Variants in FHIT observed in about 807,000 individuals in gnomAD.
FHIT encodes fragile histidine triad diadenosine triphosphatase, also known as bis(5'-adenosyl)-triphosphatase.
Under a neutral mutation model 17.9 loss-of-function variants are expected in FHIT, and 19 were observed. That is an observed-to-expected ratio of 1.06 (90% CI 0.74 to 1.56). FHIT has a LOEUF of 1.56. FHIT is among the 40% of genes most tolerant of loss of function. FHIT has a pLI of 0.00. For missense variants in FHIT, 248 were observed against 189.2 expected (o/e 1.31, Z -1.82); for synonymous variants, 81 against 69.7 (o/e 1.16, Z -0.81).
chr3:60,703,683 T>G (rs1361069635), intron 4 of FHIT, among the ~76,000 whole-genome samples: 1 of 152,186 alleles, frequency 6.6e-6, no homozygotes, highest in Admixed American at 6.5e-5. Flanking sequence ...CCCATTCTAT[T>G]TTCTCTATAG....
At chr3:59,984,544 A>G (rs1214669427) in intron 7 of FHIT, among the ~76,000 whole-genome samples, 4 of 152,184 alleles carry the variant, frequency 2.6e-5, no homozygotes, top group African/African-American at 7.2e-5. Context: ...CTTTAGGCCT[A>G]CACTCTACAC....
Position 60,195,669 on chromosome 3 carries a change from T to C in FHIT, c.104-181517A>G, listed in dbSNP as rs538070642. ...TGATATATATACACACATATATATA[T>C]GTATACCATGGAATACTACTCAACC... On this transcript the variant is annotated intron_variant, in intron 5 of 9. Transcript: ENST00000492590. Among the ~76,000 whole-genome samples the C allele has an allele frequency of 2.6e-3, 386 of 148,674 alleles. 2 individuals are homozygous for C. Among genetic ancestry groups the C allele is most frequent in the African/African-American group, 8.8e-3 (358 of 40,674 alleles).
At chr3:60,046,567 G>A (rs1463189800) in intron 5 of FHIT, among the ~76,000 whole-genome samples, 1 of 152,032 alleles carries the variant, frequency 6.6e-6, no homozygotes, top group Non-Finnish European at 1.5e-5. Context: ...CAAATTTAGG[G>A]GGAAAAATAA....
intron 3 of FHIT, among the ~76,000 whole-genome samples, chr3:60,896,709 T>G (rs782360571): frequency 1.4e-4 from 21 of 152,196 alleles, no homozygotes; most frequent in Non-Finnish European, 2.9e-4. Context: ...CAAAATAACT[T>G]GAATCAGTAT....
At chr3:60,169,579 AG>A (rs1701328600) in intron 5 of FHIT, among the ~76,000 whole-genome samples, 1 of 152,238 alleles carries the variant, frequency 6.6e-6, no homozygotes, top group African/African-American at 2.4e-5. Flanking sequence ...TAAGGCCCTT[AG>A]AAACATCACA....
intron 7 of FHIT, among the ~76,000 whole-genome samples, chr3:59,961,824 C>T (rs980359005): frequency 5.9e-5 from 9 of 152,196 alleles, no homozygotes; most frequent in Admixed American, 6.5e-5. Context: ...GCATTGATCT[C>T]GCTGGAAGCT....
intron 4 of FHIT, among the ~76,000 whole-genome samples, chr3:60,579,249 C>T (rs2037676763): frequency 1.3e-5 from 2 of 152,152 alleles, no homozygotes; most frequent in South Asian, 2.1e-4. Flanking sequence ...ATGCTATATG[C>T]TGTAACCTAT....
chr3:60,644,181 C>A (rs978198756), intron 4 of FHIT, among the ~76,000 whole-genome samples: 18 of 152,152 alleles, frequency 1.2e-4, no homozygotes, highest in Admixed American at 4.6e-4. Context: ...CTAGAATAGA[C>A]AGGTACTACA....
intron 2 of FHIT, among the ~76,000 whole-genome samples, chr3:61,124,377 G>T (rs528858354): frequency 6.6e-6 from 1 of 152,050 alleles, no homozygotes; most frequent in Non-Finnish European, 1.5e-5. Flanking sequence ...ATTAACGGAG[G>T]GCAGTTAATG....
intron 3 of FHIT, among the ~76,000 whole-genome samples, chr3:61,016,405 G>A (rs775250700): frequency 1.3e-5 from 2 of 152,186 alleles, no homozygotes; most frequent in East Asian, 1.9e-4. Flanking sequence ...CAAAGAAACA[G>A]AGCAAGACAA....
At chr3:60,031,640 G>C (rs529412563) in intron 5 of FHIT, among the ~76,000 whole-genome samples, 14 of 152,204 alleles carry the variant, frequency 9.2e-5, no homozygotes, top group African/African-American at 2.9e-4. Context: ...ATTCTTCAAA[G>C]AATTCTAGCA....
intron 7 of FHIT, among the ~76,000 whole-genome samples, chr3:59,987,178 T>C (rs925666474): frequency 6.9e-6 from 1 of 145,820 alleles, no homozygotes; most frequent in East Asian, 2.0e-4. Flanking sequence ...TATATTTATA[T>C]ATTTTTTCTA....
At chr3:60,592,928 G>A (rs1391807583) in intron 4 of FHIT, among the ~76,000 whole-genome samples, 2 of 152,100 alleles carry the variant, frequency 1.3e-5, no homozygotes, top group Non-Finnish European at 2.9e-5. Flanking sequence ...ATATAGCACT[G>A]TCTTGATGGT....
intron 5 of FHIT, among the ~76,000 whole-genome samples, chr3:60,092,718 T>G (rs1159013028): frequency 1.3e-5 from 2 of 152,196 alleles, no homozygotes; most frequent in Non-Finnish European, 2.9e-5. Context: ...CCAAGATATC[T>G]GAGCTAGCTG....
At chr3:60,967,179 A>G (rs1037516277) in intron 3 of FHIT, among the ~76,000 whole-genome samples, 10 of 152,204 alleles carry the variant, frequency 6.6e-5, no homozygotes, top group Non-Finnish European at 1.2e-4. Context: ...GCAGTAGTAT[A>G]TGTGCTCCCT....
chr3:60,414,607 T>C (rs530405100), intron 5 of FHIT, among the ~76,000 whole-genome samples: 1 of 152,156 alleles, frequency 6.6e-6, no homozygotes, highest in South Asian at 2.1e-4. Flanking sequence ...AATCAAACAA[T>C]ATTTTTTACA....
chr3:60,275,773 C>A (rs374579493), intron 5 of FHIT, among the ~76,000 whole-genome samples: 1 of 152,144 alleles, frequency 6.6e-6, no homozygotes, highest in Non-Finnish European at 1.5e-5. Context: ...GTTACTAAAA[C>A]TAAACTGATA....
chr3:60,066,021 C>T (rs1228311799), intron 5 of FHIT, among the ~76,000 whole-genome samples: 3 of 152,178 alleles, frequency 2.0e-5, no homozygotes, highest in South Asian at 4.1e-4. Context: ...AGAAAATACA[C>T]CCCTATTTTT....
At chr3:60,950,983 A>G (rs532060450) in intron 3 of FHIT, among the ~76,000 whole-genome samples, 2 of 152,348 alleles carry the variant, frequency 1.3e-5, no homozygotes, top group East Asian at 3.9e-4. Context: ...TAAGAACAGT[A>G]GAAGAGAAAT....
Sources: gnomAD v4.1 joint callset for allele counts (sites outside exome capture counted in the v4.1 genomes callset) on GRCh38, gnomAD v4.1.1 for gene constraint, MANE v1.5 for transcripts, NCBI Gene and HGNC (gene_info 2026-07-23, HGNC 2026-07-21) for gene names.